Variants in FSD1 observed in about 807,000 individuals in gnomAD.
FSD1 encodes fibronectin type III and SPRY domain containing 1, also known as fibronectin type III and SPRY domain-containing protein 1.
FSD1 carries 23 observed loss-of-function variants against 58.2 expected under a neutral mutation model. That is an observed-to-expected ratio of 0.40 (90% CI 0.28 to 0.56). The LOEUF (loss-of-function observed/expected upper bound fraction) is 0.56, where lower values mean the gene tolerates loss of function less well. Among genes scored for constraint, FSD1 ranks in the 20% least tolerant of loss-of-function variants. The pLI is 0.54. For synonymous variants in FSD1, 265 were observed against 263.4 expected, an observed-to-expected ratio of 1.01 and a Z score of -0.06; for missense variants, 563 against 670.8, an observed-to-expected ratio of 0.84 and a Z score of 1.78.
chr19:4,311,977 G>T lies in FSD1; in HGVS notation c.626G>T (p.Gly209Val). 6.2e-7 allele frequency: 1 copy of T among 1,602,522 alleles called. No homozygotes were observed. Among genetic ancestry groups the T allele is most frequent in the South Asian group, 1.1e-5 (1 of 90,402 alleles). ...GAGTACCGGCGGACCAACTTCGAGG[G>T]CCCGCCCCGCCTCAAGGAGGACCAG... is the stretch of plus-strand genomic sequence containing the variant. ...VLEYRRTNFE[G>V]PPRLKEDQPW... Residue 209 changes from glycine (G) to valine (V), a missense_variant, in exon 7 of 13, where the codon GGC (glycine) becomes GTC (valine). Physicochemically the swap from Gly to Val is moderately radical, Grantham distance 109. Transcript: ENST00000221856.
intron 7 of FSD1, among the ~76,000 whole-genome samples, chr19:4,313,060 G>T (rs1971712401): frequency 1.3e-5 from 2 of 151,214 alleles, no homozygotes; most frequent in Admixed American, 1.3e-4. Flanking sequence ...ACAAGAAATT[G>T]AAAGCTGGCC....
chr19:4,310,003 G>A (rs890859411), intron 4 of FSD1, among the ~76,000 whole-genome samples: 7 of 151,832 alleles, frequency 4.6e-5, no homozygotes, highest in Admixed American at 1.3e-4. Context: ...TGAGGCAGGC[G>A]GATCACCTGA....
chr19:4,311,883 G>T lies in FSD1; in HGVS notation c.532G>T (p.Ala178Ser), dbSNP rs1194297235. The T allele has an allele frequency of 1.2e-6, 2 of 1,614,186 alleles. No individual in the cohort carries two copies. The highest frequency in any genetic ancestry group is 1.1e-5 in the South Asian group (1 of 91,080). Residue 178 changes from alanine to serine, a missense_variant, in exon 7 of 13, where the codon GCA becomes TCA. Transcript: ENST00000221856. ...PVIDLAESLV[A>S]DNCVTLVWRM... is the part of the protein sequence containing the mutation. Reference sequence around the variant, plus strand: ...GATCGACCTGGCTGAGTCCCTGGTGGCAGATAACTGTGTGACCCTGGTGTG... The same window carrying T: ...GATCGACCTGGCTGAGTCCCTGGTGTCAGATAACTGTGTGACCCTGGTGTG...
At chr19:4,318,236 A>G in intron 8 of FSD1, 110 bp from the exon 9 acceptor site, 1 of 1,428,588 alleles carries the variant, frequency 7.0e-7, no homozygotes, top group Non-Finnish European at 9.7e-7. Flanking sequence ...TGGCTCTTTG[A>G]TTCTCTGTCC....
intron 4 of FSD1, 78 bp from the exon 5 acceptor site, chr19:4,310,195 A>C (rs1971672676): frequency 3.2e-6 from 5 of 1,544,984 alleles, no homozygotes; most frequent in Non-Finnish European, 4.5e-6. Flanking sequence ...ACTGCAATCC[A>C]GCCTGGGCAA....
chr19:4,319,731 T>G (rs1391241848), intron 10 of FSD1, among the ~76,000 whole-genome samples: 1 of 151,546 alleles, frequency 6.6e-6, no homozygotes, highest in African/African-American at 2.4e-5. Context: ...TTGCTGAGAT[T>G]TGAGAGAGAG....
intron 10 of FSD1, among the ~76,000 whole-genome samples, chr19:4,321,341 GA>G (rs1174203768): frequency 1.0e-4 from 9 of 86,810 alleles, no homozygotes; most frequent in African/African-American, 9.5e-5. Flanking sequence ...GGAGTATCTG[GA>G]GGGGAATAGC....
chr19:4,308,374 T>C (rs531886009), intron 4 of FSD1, among the ~76,000 whole-genome samples: 14 of 151,868 alleles, frequency 9.2e-5, no homozygotes, highest in East Asian at 3.9e-4. Context: ...TGTCACTGCA[T>C]TCCAGACTGG....
intron 7 of FSD1, among the ~76,000 whole-genome samples, chr19:4,314,826 A>G (rs188635746): frequency 6.6e-6 from 1 of 152,286 alleles, no homozygotes; most frequent in East Asian, 1.9e-4. Flanking sequence ...GGTGTTCCAC[A>G]CAGTTTTCTC....
At chr19:4,310,648 G>A in intron 6 of FSD1, 52 bp downstream of exon 6, 1 of 1,577,876 alleles carries the variant, frequency 6.3e-7, no homozygotes, top group Non-Finnish European at 8.6e-7. Context: ...TGACCTGGGA[G>A]GCTAGGAGGC....
chr19:4,310,771 C>T (rs59652076), intron 6 of FSD1, 175 bp downstream of exon 6: 42,127 of 657,340 alleles, frequency 0.064, 1,613 homozygotes, highest in African/African-American at 0.084. Context: ...CATGGAGCCC[C>T]GCCCCTGGGT....
At chr19:4,314,152 A>G (rs948312023) in intron 7 of FSD1, among the ~76,000 whole-genome samples, 1 of 152,202 alleles carries the variant, frequency 6.6e-6, no homozygotes, top group Non-Finnish European at 1.5e-5. Flanking sequence ...TCAGCCAGCT[A>G]GTTATCTGTA....
At position 4,315,626 on chromosome 19, in the gene FSD1, T is replaced by G. The variant is rs1188648232; in HGVS notation, c.701-1556T>G. ...CCTGGCCTTTTTTTTTTTTTTTTTT[T>G]TTGAGTTGCAGTCTCGCTCTGTCAC... On this transcript the variant is annotated intron_variant, in intron 7 of 12. Coordinates refer to ENST00000221856, the MANE Select transcript of FSD1 (RefSeq NM_024333.3). Among the ~76,000 whole-genome samples, 3 of 138,852 alleles carry G rather than the reference T, an allele frequency of 2.2e-5. No homozygotes were observed. The Admixed American group carries it at 2.2e-4, about 10-fold the overall frequency. 91.1% of individuals were successfully genotyped at this position (138,852 alleles called of 152,430 possible). A position where few individuals can be genotyped will look rare whatever the true frequency, so the allele number is the denominator to read the frequency against.
Position 4,323,378 on chromosome 19 carries a change from A to G in FSD1, c.1322A>G (p.Lys441Arg), listed in dbSNP as rs762043518. Reference protein sequence around the residue: ...GLLSFYNARTKQVLHTFKTRF... With the variant: ...GLLSFYNARTRQVLHTFKTRF... Reference sequence around the variant, plus strand: ...CTGTCCTTCTACAATGCCCGCACCAAACAAGTGCTGCACACTTTCAAGACC... The same window carrying G: ...CTGTCCTTCTACAATGCCCGCACCAGACAAGTGCTGCACACTTTCAAGACC... The change falls in exon 12 of 13, where the codon AAA (lysine) becomes AGA (arginine). Residue 441 changes from lysine (K) to arginine (R), a missense_variant. By Grantham distance (26) the Lys-to-Arg change is conservative. Transcript: ENST00000221856. This position sits in a 1 kb window ranked among gnomAD's most constrained non-coding sequence, Gnocchi z 7.7. 2.5e-6 allele frequency: 4 copies of G among 1,613,480 alleles called. No homozygotes were observed. The East Asian group carries it at 6.7e-5, about 27-fold the overall frequency.
At chr19:4,307,813 TG>T in intron 3 of FSD1, 68 bp from the exon 4 acceptor site, 1 of 1,133,142 alleles carries the variant, frequency 8.8e-7, no homozygotes, top group Non-Finnish European at 1.3e-6. Context: ...CTGAATGGGG[TG>T]GGGAGCCCTC....
chr19:4,310,773 C>A, intron 6 of FSD1, 177 bp downstream of exon 6: 2 of 650,702 alleles, frequency 3.1e-6, no homozygotes, highest in South Asian at 3.9e-5. Flanking sequence ...TGGAGCCCCG[C>A]CCCTGGGTGG....
At chr19:4,306,431 T>C in intron 3 of FSD1, 102 bp downstream of exon 3, 1 of 1,209,518 alleles carries the variant, frequency 8.3e-7, no homozygotes, top group South Asian at 1.3e-5. Context: ...CTCGAGTTTC[T>C]GATCTCTCCC....
chr19:4,304,990 C>G (rs1013090442), intron 1 of FSD1, among the ~76,000 whole-genome samples: 1 of 142,284 alleles, frequency 7.0e-6, no homozygotes, highest in African/African-American at 2.6e-5. Context: ...TACGCCCCCC[C>G]ACCCTGCCCA....
At chr19:4,318,812 G>A (rs760317262) in intron 9 of FSD1, 60 bp from the exon 10 acceptor site, 76 of 1,368,020 alleles carry the variant, frequency 5.6e-5, no homozygotes, top group African/African-American at 1.3e-4. Context: ...TAGCCTTACC[G>A]TGGGAGAGAG....
Sources: gnomAD v4.1 joint callset for allele counts (sites outside exome capture counted in the v4.1 genomes callset) on GRCh38, gnomAD v4.1.1 for gene constraint, Gnocchi (gnomAD v3.1) non-coding constraint, MANE v1.5 for transcripts, NCBI Gene and HGNC (gene_info 2026-07-23, HGNC 2026-07-21) for gene names.